EPS8: variants seen among roughly 807,000 people sequenced by gnomAD.
EPS8 encodes epidermal growth factor receptor kinase substrate 8.
A neutral mutation model predicts 103.8 loss-of-function variants in EPS8; 42 were observed. The ratio of observed to expected loss-of-function variants is 0.40; its 90% confidence interval spans 0.32 to 0.52. The LOEUF (loss-of-function observed/expected upper bound fraction) is 0.52. Among genes scored for constraint, EPS8 ranks in the 20% least tolerant of loss-of-function variants. The pLI is 0.40. For missense variants in EPS8, 969 were observed against 1,005.1 expected, an observed-to-expected ratio of 0.96 and a Z score of 0.49; for synonymous variants, 344 against 344.6, an observed-to-expected ratio of 1.00 and a Z score of 0.02.
At chr12:15,739,352 T>C (rs779949900) in intron 1 of EPS8, among the ~76,000 whole-genome samples, 2 of 152,202 alleles carry the variant, frequency 1.3e-5, no homozygotes, top group Non-Finnish European at 2.9e-5. Context: ...AATTAAGGAA[T>C]ACCTAGATAG....
chr12:15,673,065 A>G (rs932896771), intron 3 of EPS8, among the ~76,000 whole-genome samples: 2 of 152,190 alleles, frequency 1.3e-5, no homozygotes, highest in East Asian at 3.8e-4. Context: ...TTCCTAACCC[A>G]TAGTTTCCCA....
intron 8 of EPS8, chr12:15,662,577 T>C (rs1478962971): frequency 2.4e-5 from 24 of 985,806 alleles, no homozygotes; most frequent in Non-Finnish European, 2.6e-5. Flanking sequence ...AAAATTCTAG[T>C]GTAATTAAGC....
intron 2 of EPS8, among the ~76,000 whole-genome samples, chr12:15,681,653 C>A (rs1392066717): frequency 1.4e-5 from 2 of 147,054 alleles, no homozygotes; most frequent in Non-Finnish European, 3.0e-5. Flanking sequence ...TCGCATGAAC[C>A]CGGGAGGTGG....
Position 15,665,777 on chromosome 12 carries a change from A to T in EPS8, c.715T>A (p.Trp239Arg). 1.2e-6 allele frequency: 2 copies of T among 1,613,696 alleles called. No homozygotes were observed. The highest frequency in any genetic ancestry group is 1.7e-6 in the Non-Finnish European group (2 of 1,179,870). Residue 239 changes from tryptophan (W) to arginine (R), a missense_variant, in exon 8 of 21, where the codon TGG (tryptophan) becomes AGG (arginine). Physicochemically the swap from Trp to Arg is moderately radical, Grantham distance 101. Transcript: ENST00000281172. ...TCACAGTCCCCTTGGTCGGCTGCCC[A>T]TGCAGACCAGGCTGCCACTCGACTT... ...VRSRVAAWSA[W>R]AADQGDFEKP... is the part of the protein sequence containing the mutation.
At chr12:15,666,230 T>C (rs936434485) in intron 7 of EPS8, among the ~76,000 whole-genome samples, 4 of 152,154 alleles carry the variant, frequency 2.6e-5, no homozygotes, top group Non-Finnish European at 4.4e-5. Context: ...CCAACACAAG[T>C]GAAGCCATAT....
intron 1 of EPS8, among the ~76,000 whole-genome samples, chr12:15,707,471 T>G (rs893119003): frequency 6.6e-6 from 1 of 152,014 alleles, no homozygotes; most frequent in Non-Finnish European, 1.5e-5. Context: ...CTACTCTCCT[T>G]ACTATTTATT....
chr12:15,730,244 G>T (rs577625962), intron 1 of EPS8, among the ~76,000 whole-genome samples: 1 of 152,218 alleles, frequency 6.6e-6, no homozygotes, highest in South Asian at 2.1e-4. Context: ...TTATGAAATA[G>T]GTATGATAAT....
rs1947256950 is a variant in EPS8, at chr12:15,781,132, C to T, written c.-22+8029G>A. Among the ~76,000 whole-genome samples, 1 of 152,166 alleles carries T rather than the reference C, an allele frequency of 6.6e-6. No homozygotes were observed. Among genetic ancestry groups the T allele is most frequent in the Non-Finnish European group, 1.5e-5 (1 of 68,030 alleles). On this transcript the variant is annotated intron_variant, in intron 1 of 20. Coordinates refer to ENST00000281172, the MANE Select transcript of EPS8 (RefSeq NM_004447.6). This position sits in a 1 kb window ranked among gnomAD's most constrained non-coding sequence, Gnocchi z 4.1. ...CACAAATGTTTCTTTTTAAAAGATC[C>T]TCATTCTTTAAAACAACCGTGTTCC...
intron 1 of EPS8, among the ~76,000 whole-genome samples, chr12:15,726,998 T>C (rs1028343549): frequency 1.3e-5 from 2 of 152,222 alleles, no homozygotes; most frequent in African/African-American, 2.4e-5. Flanking sequence ...TTTAAACATA[T>C]GACAACTTAG....
chr12:15,779,624 G>A lies in EPS8; in HGVS notation c.-22+9537C>T, dbSNP rs961970762. ...AATAACTTAGTAATATTCTAATGGT[G>A]TTAACAGAAGATAATTCAACAGCCC... On this transcript the variant is annotated intron_variant, in intron 1 of 20. Transcript: ENST00000281172. This position sits in a 1 kb window ranked among gnomAD's most constrained non-coding sequence, Gnocchi z 4.3. Among the ~76,000 whole-genome samples, 10 of 152,232 alleles carry A rather than the reference G, an allele frequency of 6.6e-5. No homozygotes were observed. Among genetic ancestry groups the A allele is most frequent in the Non-Finnish European group, 1.3e-4 (9 of 68,008 alleles).
At chr12:15,683,431 G>C (rs1161316283) in intron 1 of EPS8, 1 of 152,104 alleles carries the variant, frequency 6.6e-6, no homozygotes, top group Non-Finnish European at 1.5e-5. Context: ...AGAGAACCAG[G>C]TAACAGTTAC....
At position 15,738,407 on chromosome 12, in the gene EPS8, A is replaced by G. The variant is rs183382849; in HGVS notation, c.-22+50754T>C. On this transcript the variant is annotated intron_variant, in intron 1 of 20. Transcript: ENST00000281172. This position sits in a 1 kb window ranked among gnomAD's most constrained non-coding sequence, Gnocchi z 6.2. ...ATAAATAATATTGTTAGGAAAATTT[A>G]AAGATGGGCTTCTGTCACTTAAATA... 4.1e-4 allele frequency among the ~76,000 whole-genome samples: 62 copies of G among 152,334 alleles called. No individual in the cohort carries two copies. The highest frequency in any genetic ancestry group is 6.5e-4 in the Non-Finnish European group (44 of 68,026).
At chr12:15,636,352 G>A (rs954399368) in intron 17 of EPS8, among the ~76,000 whole-genome samples, 13 of 152,190 alleles carry the variant, frequency 8.5e-5, no homozygotes, top group African/African-American at 3.1e-4. Flanking sequence ...AATATCTTTT[G>A]TAAATTTTTA....
In EPS8 at chr12:15,753,705, C is replaced by T. The variant is rs144388620; in HGVS notation, c.-22+35456G>A. ...ATATATATAATACATGAACTATACTCGTTCAATCTCATTCAAATCTGCCCA... is the reference window on the plus strand; with the variant it reads ...ATATATATAATACATGAACTATACTTGTTCAATCTCATTCAAATCTGCCCA... On this transcript the variant is annotated intron_variant, in intron 1 of 20. Transcript: ENST00000281172. Among the ~76,000 whole-genome samples, 11 of 152,294 alleles carry T rather than the reference C, an allele frequency of 7.2e-5. No homozygotes were observed. The South Asian group carries it at 1.5e-3, about 20-fold the overall frequency.
chr12:15,741,425 C>T (rs1036614821), intron 1 of EPS8, among the ~76,000 whole-genome samples: 3 of 152,100 alleles, frequency 2.0e-5, no homozygotes, highest in Non-Finnish European at 2.9e-5. Flanking sequence ...AGGTACCAAG[C>T]GAATCCTGGC....
At position 15,695,306 on chromosome 12, in the gene EPS8, C is replaced by T. The variant is rs1024468913; in HGVS notation, c.-21-12334G>A. ...AGATTCATTCAACATTAATTGGCAC[C>T]TGCCAATCTGAGTACTACTTCATTC... On this transcript the variant is annotated intron_variant, in intron 1 of 20. Coordinates refer to ENST00000281172, the MANE Select transcript of EPS8 (RefSeq NM_004447.6). The surrounding 1 kb of genome is among the most constrained non-coding windows in gnomAD (Gnocchi z 5.0). Among the ~76,000 whole-genome samples the T allele has an allele frequency of 1.3e-5, 2 of 152,192 alleles. No individual in the cohort carries two copies. The highest frequency in any genetic ancestry group is 4.8e-5 in the African/African-American group (2 of 41,456).
chr12:15,662,068 T>C lies in EPS8; in HGVS notation c.768A>G (p.Glu256=), dbSNP rs1303587220. ...FEKPRQYHEQ[E]ETPEMMAARI... is the part of the protein sequence containing the mutation. ...GGGCTGCCATCATCTCAGGTGTTTC[T>C]TCCTGCTCATGATACTGCCTTGGTT... Residue 256 remains glutamate (E), a synonymous_variant, in exon 9 of 21, where the codon GAA becomes GAG. Coordinates refer to ENST00000281172, the MANE Select transcript of EPS8 (RefSeq NM_004447.6). 1 of 1,614,016 alleles carries C rather than the reference T, an allele frequency of 6.2e-7. No homozygotes were observed. Among genetic ancestry groups the C allele is most frequent in the Non-Finnish European group, 8.5e-7 (1 of 1,179,854 alleles).
rs1346367588 is a variant in EPS8 at position 15,631,624 on chromosome 12, G to A, written c.1862C>T (p.Pro621Leu). The A allele has an allele frequency of 3.1e-6, 5 of 1,613,874 alleles. No individual in the cohort carries two copies. The highest frequency in any genetic ancestry group is 4.2e-6 in the Non-Finnish European group (5 of 1,179,940). ...MEYGPRPADTPPAPSPPPTPA... is the reference protein window; with the variant it reads ...MEYGPRPADTLPAPSPPPTPA... Reference sequence around the variant, plus strand: ...TGTTGGAGGAGGTGATGGAGCAGGGGGAGTATCAGCTGGTCTTGGGCCATA... The same window carrying A: ...TGTTGGAGGAGGTGATGGAGCAGGGAGAGTATCAGCTGGTCTTGGGCCATA... Residue 621 changes from proline (P) to leucine (L), a missense_variant, in exon 18 of 21, where the codon CCC becomes CTC. Physicochemically the swap from Pro to Leu is moderately conservative, Grantham distance 98. Transcript: ENST00000281172.
In EPS8 at chr12:15,688,281, C is replaced by A. The variant is rs945256368; in HGVS notation, c.-21-5309G>T. Reference sequence around the variant, plus strand: ...TATGGGTGAGATGACAGCCTCAAGGCGGTTAAGTCATTTGCCTAAGTGGTA... The same window carrying A: ...TATGGGTGAGATGACAGCCTCAAGGAGGTTAAGTCATTTGCCTAAGTGGTA... On this transcript the variant is annotated intron_variant, in intron 1 of 20. Transcript: ENST00000281172. The surrounding 1 kb of genome is among the most constrained non-coding windows in gnomAD (Gnocchi z 5.1). 6.6e-6 allele frequency among the ~76,000 whole-genome samples: 1 copy of A among 152,060 alleles called. No individual in the cohort carries two copies. The highest frequency in any genetic ancestry group is 2.4e-5 in the African/African-American group (1 of 41,396).
Sources: allele counts gnomAD v4.1 joint callset (sites outside exome capture counted in the v4.1 genomes callset), GRCh38; gene constraint gnomAD v4.1.1; non-coding constraint Gnocchi (gnomAD v3.1); transcripts MANE v1.5; gene names NCBI Gene and HGNC (gene_info 2026-07-23, HGNC 2026-07-21).